CLVS1: variants seen among roughly 807,000 people sequenced by gnomAD.
CLVS1 encodes clavesin-1.
In CLVS1, 10 loss-of-function variants were observed where a neutral mutation model predicts 33.1. The ratio of observed to expected loss-of-function variants is 0.30; its 90% confidence interval spans 0.19 to 0.51. The LOEUF is 0.51. Among genes scored for constraint, CLVS1 ranks in the 20% least tolerant of loss-of-function variants. The probability of loss-of-function intolerance (pLI) is 0.97; values close to 1 mark genes in which losing one functional copy is unlikely to be tolerated. For synonymous variants in CLVS1, 163 were observed against 166.1 expected, an observed-to-expected ratio of 0.98 and a Z score of 0.14; for missense variants, 343 against 433.4, an observed-to-expected ratio of 0.79 and a Z score of 1.85.
intron 2 of CLVS1, among the ~76,000 whole-genome samples, chr8:61,170,407 G>C (rs931280269): frequency 1.3e-5 from 2 of 152,088 alleles, no homozygotes; most frequent in African/African-American, 4.8e-5. Context: ...CACTCACTCT[G>C]AGTTAAAGGG....
chr8:61,130,255 A>ATAAG, intron 1 of CLVS1, among the ~76,000 whole-genome samples: 1 of 149,992 alleles, frequency 6.7e-6, no homozygotes, highest in Admixed American at 6.6e-5. Context: ...AAATAAATAA[A>ATAAG]TAAATAAATA....
At position 61,122,984 on chromosome 8, in the gene CLVS1, T is replaced by C. The variant is rs1016157772; in HGVS notation, c.-242-8786T>C. Among the ~76,000 whole-genome samples the C allele has an allele frequency of 1.2e-4, 18 of 144,272 alleles. 4 individuals are homozygous for C. The highest frequency in any genetic ancestry group is 4.0e-4 in the East Asian group (2 of 4,984). The allele number at this position is 144,272 out of a possible 152,430, so 94.6% of individuals were successfully genotyped here. A position where few individuals can be genotyped will look rare whatever the true frequency, so the allele number is the denominator to read the frequency against. The stretch of plus-strand genomic sequence containing the variant: ...TTATCTACTGCTTTAAAAAGTCTCA[T>C]AGTGGCCAGGCACGGTGGCTCACAC... On this transcript the variant is annotated intron_variant, in intron 1 of 2. Coordinates refer to the CLVS1 transcript ENST00000522621.
intron 5 of CLVS1, among the ~76,000 whole-genome samples, chr8:61,488,503 T>C (rs1269502774): frequency 2.0e-5 from 3 of 152,254 alleles, no homozygotes; most frequent in Non-Finnish European, 4.4e-5. Context: ...CTTGATTTTC[T>C]TCAAGTGGGT....
At chr8:61,200,187 C>T (rs544599285) in intron 2 of CLVS1, among the ~76,000 whole-genome samples, 6 of 152,224 alleles carry the variant, frequency 3.9e-5, no homozygotes, top group African/African-American at 4.8e-5. Context: ...GGTGCGATCT[C>T]GGCTCACTGC....
intron 3 of CLVS1, among the ~76,000 whole-genome samples, chr8:61,430,409 T>C (rs1487631579): frequency 6.6e-6 from 1 of 152,162 alleles, no homozygotes; most frequent in Non-Finnish European, 1.5e-5. Flanking sequence ...GAAAGAGGTA[T>C]ATGAGATAAT....
the CLVS1 span, among the ~76,000 whole-genome samples, chr8:60,995,541 G>C: frequency 6.6e-6 from 1 of 152,218 alleles, no homozygotes; most frequent in African/African-American, 2.4e-5. Flanking sequence ...TGGAGAAATA[G>C]GAACACTTTT....
At chr8:61,251,123 A>G (rs1458852957) in intron 2 of CLVS1, among the ~76,000 whole-genome samples, 1 of 152,202 alleles carries the variant, frequency 6.6e-6, no homozygotes, top group East Asian at 1.9e-4. Flanking sequence ...TTTTAGTATG[A>G]AGGGCTGTTA....
At chr8:61,064,062 C>T (rs1053759206) in intron 1 of CLVS1, among the ~76,000 whole-genome samples, 5 of 152,160 alleles carry the variant, frequency 3.3e-5, no homozygotes, top group African/African-American at 7.2e-5. Context: ...GAATTTCATT[C>T]GTTTTTAAGG....
intron 2 of CLVS1, among the ~76,000 whole-genome samples, chr8:61,232,041 T>TGTTTTTTTTTTTGTTTTGTTTTG (rs1302389931): frequency 1.7e-5 from 2 of 116,018 alleles, no homozygotes; most frequent in South Asian, 5.7e-4. Flanking sequence ...TTTTTTTTTT[T>TGTTTTTTTTTTTGTTTTGTTTTG]TTTTTTTTTG....
intron 2 of CLVS1, among the ~76,000 whole-genome samples, chr8:61,257,342 G>A (rs1809104471): frequency 6.6e-6 from 1 of 152,130 alleles, no homozygotes; most frequent in Non-Finnish European, 1.5e-5. Context: ...ATTCAGCAAA[G>A]CTACACATTT....
chr8:61,070,452 A>C (rs556653707), intron 1 of CLVS1, among the ~76,000 whole-genome samples: 1 of 152,196 alleles, frequency 6.6e-6, no homozygotes, highest in African/African-American at 2.4e-5. Context: ...GACATTTTTC[A>C]ATAAAGCAGC....
intron 2 of CLVS1, among the ~76,000 whole-genome samples, chr8:61,350,117 A>T (rs181619072): frequency 3.5e-4 from 53 of 152,326 alleles, no homozygotes; most frequent in Admixed American, 1.1e-3. Context: ...GATATCTGTT[A>T]TACAACACAT....
chr8:61,155,022 A>C (rs566311428), intron 2 of CLVS1, among the ~76,000 whole-genome samples: 1 of 152,296 alleles, frequency 6.6e-6, no homozygotes, highest in East Asian at 1.9e-4. Flanking sequence ...GCGTGGTTGC[A>C]CAGGTGCCTA....
intron 2 of CLVS1, among the ~76,000 whole-genome samples, chr8:61,261,990 G>GTGTGTGTGTA (rs1554551248): frequency 4.8e-4 from 47 of 97,384 alleles, no homozygotes; most frequent in Middle Eastern, 8.3e-3. Flanking sequence ...GTGTGTGTGT[G>GTGTGTGTGTA]TGTGTGTGTG....
chr8:61,216,535 G>A (rs1175316498), intron 2 of CLVS1, among the ~76,000 whole-genome samples: 4 of 152,216 alleles, frequency 2.6e-5, no homozygotes, highest in African/African-American at 9.7e-5. Flanking sequence ...TTTGAACAGA[G>A]AAGAGGGGCT....
the CLVS1 span, among the ~76,000 whole-genome samples, chr8:60,997,480 T>C: frequency 1.1e-3 from 164 of 152,354 alleles, 1 homozygote; most frequent in African/African-American, 3.8e-3. Flanking sequence ...CATATATTTA[T>C]AGATCAGATA....
rs553904785 is a variant in CLVS1, at chr8:61,237,042, A to ATTCT, written c.-151-62632_-151-62629dup. 5.4e-4 allele frequency among the ~76,000 whole-genome samples: 82 copies of ATTCT among 152,340 alleles called. No individual in the cohort carries two copies. The East Asian group carries it at 0.013, about 25-fold the overall frequency. ...TCCTGTCTTCAAGATAAATCGATTGATTCTTTATGTGACGTCCCAAAGAGA... is the reference window on the plus strand; with the variant it reads ...TCCTGTCTTCAAGATAAATCGATTGATTCTTTCTTTATGTGACGTCCCAAAGAGA... On this transcript the variant is annotated intron_variant, in intron 2 of 2. Transcript: ENST00000522621.
chr8:61,112,209 C>CACACACAT (rs1554536016), intron 1 of CLVS1, among the ~76,000 whole-genome samples: 11,145 of 145,642 alleles, frequency 0.077, 990 homozygotes, highest in African/African-American at 0.13. Context: ...CACACACACA[C>CACACACAT]ACACACACAC....
chr8:61,026,064 A>G, the CLVS1 span, among the ~76,000 whole-genome samples: 1 of 142,618 alleles, frequency 7.0e-6, no homozygotes, highest in African/African-American at 2.5e-5. Flanking sequence ...TCACATGTTG[A>G]AGTTCTAATG....
Sources: allele counts gnomAD v4.1 joint callset (sites outside exome capture counted in the v4.1 genomes callset), GRCh38; gene constraint gnomAD v4.1.1; transcripts MANE v1.5; gene names NCBI Gene and HGNC (gene_info 2026-07-23, HGNC 2026-07-21).